Variants in PLXND1 observed in about 807,000 individuals in gnomAD.
PLXND1 encodes the protein plexin-D1.
Under a neutral mutation model 197.7 loss-of-function variants are expected in PLXND1, and 54 were observed. The observed-to-expected ratio is 0.27, with a 90% CI of 0.22 to 0.34. The LOEUF (loss-of-function observed/expected upper bound fraction) is 0.34, where lower values mean the gene tolerates loss of function less well. Ranked by LOEUF, PLXND1 falls within the 10% of genes least tolerant of loss-of-function variation. The pLI is 1.00. For synonymous variants in PLXND1, 1,180 were observed against 1,161.2 expected, an observed-to-expected ratio of 1.02 and a Z score of -0.33; for missense variants, 2,127 against 2,699.2, an observed-to-expected ratio of 0.79 and a Z score of 4.70.
intron 3 of PLXND1, 75 bp from the exon 4 acceptor site, chr3:129,586,347 G>C (rs1400875219): frequency 8.2e-7 from 1 of 1,226,972 alleles, no homozygotes; most frequent in Admixed American, 2.0e-5. Context: ...GGTCAGCATG[G>C]TGCGGGCCAT....
At position 129,586,441 on chromosome 3, in the gene PLXND1, G is replaced by C. The variant is rs538458373; in HGVS notation, c.1620+147C>G. 2.7e-6 allele frequency: 3 copies of C among 1,112,698 alleles called. No homozygotes were observed. In the East Asian group the frequency reaches 7.7e-5, roughly 29 times the overall value. 68.9% of individuals were successfully genotyped at this position (1,112,698 alleles called of 1,614,324 possible). On this transcript the variant is annotated intron_variant, in intron 3 of 35. Transcript: ENST00000324093. Reference sequence around the variant, plus strand: ...TCCCTGCAGAGGCAAGGTCGGTGTTGGGAGGCGCAGGACAAGGTGGAGTTA... The same window carrying C: ...TCCCTGCAGAGGCAAGGTCGGTGTTCGGAGGCGCAGGACAAGGTGGAGTTA...
At position 129,557,240 on chromosome 3, in the gene PLXND1, G is replaced by A. The variant is rs369710605; in HGVS notation, c.5446-17C>T. The A allele has an allele frequency of 3.5e-5, 57 of 1,613,764 alleles. No individual in the cohort carries two copies. Among genetic ancestry groups the A allele is most frequent in the Admixed American group, 2.0e-4 (12 of 59,996 alleles). ...TGGCGAATCCTGGGCAGAGAAGAGC[G>A]AGGGTGTTAGATGGCTGCTGGAGAA... On this transcript the variant is annotated splice_polypyrimidine_tract_variant and intron_variant, in intron 33 of 35. Coordinates refer to ENST00000324093, the MANE Select transcript of PLXND1 (RefSeq NM_015103.3). The surrounding 1 kb of genome is among the most constrained non-coding windows in gnomAD (Gnocchi z 4.8).
chr3:129,566,694 C>T, intron 22 of PLXND1, 63 bp from the exon 23 acceptor site: 1 of 1,009,820 alleles, frequency 9.9e-7, no homozygotes, highest in Non-Finnish European at 1.5e-6. Context: ...ATGGAAAGGT[C>T]ACTCACACAG....
chr3:129,583,522 G>T, intron 8 of PLXND1, 45 bp downstream of exon 8: 2 of 1,210,782 alleles, frequency 1.7e-6, no homozygotes, highest in Non-Finnish European at 2.4e-6. Context: ...TTTTAAAAAA[G>T]GTAATGAAAC....
At chr3:129,575,687 G>T in intron 10 of PLXND1, 79 bp downstream of exon 10, 1 of 1,237,024 alleles carries the variant, frequency 8.1e-7, no homozygotes, top group Non-Finnish European at 1.2e-6. Flanking sequence ...GGTAGAGAGA[G>T]GCAGGGTGGG....
Position 129,605,789 on chromosome 3 carries a change from A to C in PLXND1, c.851T>G (p.Leu284Arg), listed in dbSNP as rs2085782512. ...ACCCGGCGGCGGGTCGGACGGGTGC[A>C]GGAAGGCGCTCACGAAGCCCAGCTT... ...QHKLGFVSAF[L>R]HPSDPPPGAQ... The change falls in exon 1 of 36, where the codon CTG becomes CGG. Residue 284 changes from leucine to arginine, a missense_variant. Physicochemically the swap from Leu to Arg is moderately radical, Grantham distance 102 (BLOSUM62 -2). Around this residue, in one of 6 missense-constraint regions of PLXND1, gnomAD observed 1,095 missense variants for 1,259.8 expected, o/e 0.87. Transcript: ENST00000324093. 1.3e-6 allele frequency: 2 copies of C among 1,592,052 alleles called. No homozygotes were observed. Among genetic ancestry groups the C allele is most frequent in the African/African-American group, 1.3e-5 (1 of 74,342 alleles).
At chr3:129,556,896 C>T in intron 34 of PLXND1, 187 bp downstream of exon 34, 1 of 727,154 alleles carries the variant, frequency 1.4e-6, no homozygotes, top group Non-Finnish European at 2.3e-6. Context: ...GGGTGCTCTC[C>T]TGCCCCCGCT....
chr3:129,591,012 T>G (rs1294440844), intron 1 of PLXND1, among the ~76,000 whole-genome samples: 1 of 5,484 alleles, frequency 1.8e-4, no homozygotes, highest in Non-Finnish European at 8.5e-3. Context: ...CTGCCTGGTT[T>G]TTGCACAGGC....
At chr3:129,594,714 A>G (rs1236534016) in intron 1 of PLXND1, among the ~76,000 whole-genome samples, 1 of 152,208 alleles carries the variant, frequency 6.6e-6, no homozygotes, top group Non-Finnish European at 1.5e-5. Flanking sequence ...AGTAAAGAAC[A>G]AATGTTGGCT....
chr3:129,560,391 C>G lies in PLXND1; in HGVS notation c.5072G>C (p.Arg1691Pro), dbSNP rs201100072. 3.1e-6 allele frequency: 5 copies of G among 1,614,056 alleles called. No individual in the cohort carries two copies. In the African/African-American group the frequency reaches 6.7e-5, roughly 22 times the overall value. ...DELAEPKKSHRQSHRKKVLPE... is the reference protein window; with the variant it reads ...DELAEPKKSHPQSHRKKVLPE... The stretch of plus-strand genomic sequence containing the variant: ...GAGCACCTTCTTGCGATGGCTCTGC[C>G]GGTGAGACTTCTTGGGCTCCGCCAG... Residue 1691 changes from arginine (R) to proline (P), a missense_variant, in exon 31 of 36, where the codon CGG becomes CCG. Transcript: ENST00000324093.
intron 2 of PLXND1, 30 bp downstream of exon 2, chr3:129,589,321 C>T (rs751587522): frequency 9.5e-6 from 9 of 948,638 alleles, no homozygotes; most frequent in Non-Finnish European, 1.4e-5. Context: ...CCCACCCCCA[C>T]CCCCTCCCCA....
chr3:129,595,575 G>A (rs2085608245), intron 1 of PLXND1, among the ~76,000 whole-genome samples: 1 of 152,232 alleles, frequency 6.6e-6, no homozygotes, highest in South Asian at 2.1e-4. Context: ...GCACAGAGAA[G>A]AGCAGAGGCT....
intron 7 of PLXND1, 80 bp from the exon 8 acceptor site, chr3:129,583,749 GCAGATCC>G: frequency 1.1e-6 from 1 of 887,352 alleles, no homozygotes; most frequent in South Asian, 1.4e-5. Flanking sequence ...AACCCAAAAG[GCAGATCC>G]CAGCACAGGG....
At position 129,596,716 on chromosome 3, in the gene PLXND1, G is replaced by C. The variant is rs926800972; in HGVS notation, c.1312-7189C>G. ...TGGGGCTGGGGGGACTTGGAGGTTCGATCTCACACCCTCCTCCCCAGCCCC... is the reference window on the plus strand; with the variant it reads ...TGGGGCTGGGGGGACTTGGAGGTTCCATCTCACACCCTCCTCCCCAGCCCC... On this transcript the variant is annotated intron_variant, in intron 1 of 35. Transcript: ENST00000324093. Among the ~76,000 whole-genome samples the C allele has an allele frequency of 2.0e-5, 3 of 152,146 alleles. 1 individual carries two copies. Among genetic ancestry groups the C allele is most frequent in the Middle Eastern group, 3.2e-3 (1 of 316 alleles).
In PLXND1 at chr3:129,565,894, G is replaced by A. The variant is rs868333327; in HGVS notation, c.4315C>T (p.Arg1439Cys). 7.4e-6 allele frequency: 12 copies of A among 1,613,908 alleles called. No individual in the cohort carries two copies. Among genetic ancestry groups the A allele is most frequent in the Admixed American group, 3.3e-5 (2 of 60,000 alleles). ...AGTCTGTCACAGCCTGACCTGTCGC[G>A]CACCGCAAAGTCCTTCTGCTGCTCC... Reference protein sequence around the residue: ...ALEQQKDFAVRDRCSLASLLT... With the variant: ...ALEQQKDFAVCDRCSLASLLT... The change falls in exon 24 of 36, where the codon CGC (arginine) becomes TGC (cysteine). Residue 1439 changes from arginine (R) to cysteine (C), a missense_variant. Arg to Cys is a radical substitution (Grantham distance 180). Coordinates refer to ENST00000324093, the MANE Select transcript of PLXND1 (RefSeq NM_015103.3).
In PLXND1 at chr3:129,586,093, C is replaced by T. The variant is rs761623846; in HGVS notation, c.1722-12G>A. On this transcript the variant is annotated splice_polypyrimidine_tract_variant and intron_variant, in intron 4 of 35. Transcript: ENST00000324093. ...GCTGCAAGGTGCACCTGGGGTGGCA[C>T]CGCAGGGTCAGGACCCAGGTCAGCT... 5 of 1,613,762 alleles carry T rather than the reference C, an allele frequency of 3.1e-6. No homozygotes were observed. Among genetic ancestry groups the T allele is most frequent in the Non-Finnish European group, 4.2e-6 (5 of 1,179,950 alleles).
chr3:129,587,224 G>GTC (rs2085475251), intron 2 of PLXND1, among the ~76,000 whole-genome samples: 4 of 151,948 alleles, frequency 2.6e-5, no homozygotes, highest in Non-Finnish European at 1.5e-5. Flanking sequence ...TCCTCCCCCC[G>GTC]ACGCCCATTT....
intron 2 of PLXND1, 44 bp downstream of exon 2, chr3:129,589,307 G>GCCGGGCGCCCCCCCCCCCCCCCCC: frequency 1.5e-6 from 1 of 684,692 alleles, no homozygotes; most frequent in Non-Finnish European, 2.6e-6. Flanking sequence ...TCCCAGGGGA[G>GCCGGGCGCCCCCCCCCCCCCCCCC]CCTCCCACCC....
At position 129,555,591 on chromosome 3, in the gene PLXND1, T is replaced by C. The variant is rs558276490; in HGVS notation, c.*721A>G. The C allele has an allele frequency of 7.8e-5, 50 of 640,210 alleles. No individual in the cohort carries two copies. The Middle Eastern group carries it at 9.8e-4, about 13-fold the overall frequency. 39.7% of individuals were successfully genotyped at this position (640,210 alleles called of 1,614,324 possible). ...ATCTTTAGAAACACTTTCAGCAAGA[T>C]CAAGTAGCCCAGCTACAGCCTCGGT... On this transcript the variant is annotated 3_prime_UTR_variant, in exon 36 of 36. Coordinates refer to ENST00000324093, the MANE Select transcript of PLXND1 (RefSeq NM_015103.3).
Sources: gnomAD v4.1 joint callset for allele counts (sites outside exome capture counted in the v4.1 genomes callset) on GRCh38, gnomAD v4.1.1 for gene constraint, gnomAD v4.1.1 regional missense constraint, Gnocchi (gnomAD v3.1) non-coding constraint, MANE v1.5 for transcripts, NCBI Gene and HGNC (gene_info 2026-07-23, HGNC 2026-07-21) for gene names.